UBE2QL1: variants seen among roughly 807,000 people sequenced by gnomAD.
UBE2QL1 encodes ubiquitin-conjugating enzyme E2Q-like protein 1.
UBE2QL1 carries 5 observed loss-of-function variants against 12.6 expected under a neutral mutation model. That is an observed-to-expected ratio of 0.40 (90% CI 0.21 to 0.83). The LOEUF (loss-of-function observed/expected upper bound fraction) is 0.83, where lower values mean the gene tolerates loss of function less well. UBE2QL1 is among the 40% of genes least tolerant of loss of function. The pLI, the probability that UBE2QL1 is intolerant of heterozygous loss-of-function variation, is 0.37. For synonymous variants in UBE2QL1, 96 were observed against 94.5 expected, an observed-to-expected ratio of 1.02 and a Z score of -0.10; for missense variants, 99 against 222.6, an observed-to-expected ratio of 0.44 and a Z score of 3.53.
rs1273963671 is a variant in UBE2QL1, at chr5:6,495,569, C to G, written c.*4220C>G. ...TATTAGGCAATTCATGTGGCCCTCA[C>G]CAAACACACACTCTTCACCCCATCA... is the stretch of plus-strand genomic sequence containing the variant. On this transcript the variant is annotated 3_prime_UTR_variant, in exon 2 of 2. Coordinates refer to ENST00000399816, the MANE Select transcript of UBE2QL1 (RefSeq NM_001145161.3). Among the ~76,000 whole-genome samples, 2 of 152,142 alleles carry G rather than the reference C, an allele frequency of 1.3e-5. No homozygotes were observed. The highest frequency in any genetic ancestry group is 2.9e-5 in the Non-Finnish European group (2 of 68,024).
At chr5:6,465,130 G>C (rs1031255910) in intron 1 of UBE2QL1, among the ~76,000 whole-genome samples, 2 of 151,988 alleles carry the variant, frequency 1.3e-5, no homozygotes, top group African/African-American at 2.4e-5. Flanking sequence ...GGGACCACAG[G>C]TGTGCGCCAC....
At position 6,494,839 on chromosome 5, in the gene UBE2QL1, C is replaced by T. The variant is rs1455716191; in HGVS notation, c.*3490C>T. 1 of 152,228 alleles carries T rather than the reference C, an allele frequency of 6.6e-6. No homozygotes were observed. The highest frequency in any genetic ancestry group is 1.5e-5 in the Non-Finnish European group (1 of 68,056). 9.4% of individuals were successfully genotyped at this position (152,228 alleles called of 1,614,324 possible). Reference sequence around the variant, plus strand: ...AACTAACTGGCCATCTCTCCACTCACTCAGCATTCTCCTCTTAAATGCAGG... The same window carrying T: ...AACTAACTGGCCATCTCTCCACTCATTCAGCATTCTCCTCTTAAATGCAGG... On this transcript the variant is annotated 3_prime_UTR_variant, in exon 2 of 2. Transcript: ENST00000399816.
chr5:6,477,389 G>C (rs1319695143), intron 1 of UBE2QL1, among the ~76,000 whole-genome samples: 2 of 151,358 alleles, frequency 1.3e-5, no homozygotes, highest in African/African-American at 4.9e-5. Context: ...GCTGAGGACA[G>C]GTGTGCCCGG....
intron 1 of UBE2QL1, among the ~76,000 whole-genome samples, chr5:6,485,275 T>C (rs1196056650): frequency 6.6e-6 from 1 of 152,232 alleles, no homozygotes; most frequent in African/African-American, 2.4e-5. Context: ...TGCTTGTCAG[T>C]GGCTTCAGTG....
rs1734564342 is a variant in UBE2QL1, at chr5:6,491,303, C to T, written c.440C>T (p.Thr147Met). 6.4e-7 allele frequency: 1 copy of T among 1,551,230 alleles called. No homozygotes were observed. Among genetic ancestry groups the T allele is most frequent in the Admixed American group, 2.0e-5 (1 of 50,856 alleles). The change falls in exon 2 of 2, where the codon ACG (threonine) becomes ATG (methionine). Residue 147 changes from threonine (T) to methionine (M), a missense_variant. Coordinates refer to ENST00000399816, the MANE Select transcript of UBE2QL1 (RefSeq NM_001145161.3). ...GCTACCTTTAAGAGTTTGGTGAAGACGCATGAAAAATATGGTTGGGTCACC... is the reference window on the plus strand; with the variant it reads ...GCTACCTTTAAGAGTTTGGTGAAGATGCATGAAAAATATGGTTGGGTCACC... ...AEATFKSLVK[T>M]HEKYGWVTPP...
chr5:6,463,785 G>A lies in UBE2QL1; in HGVS notation c.354+14538G>A, dbSNP rs562713039. On this transcript the variant is annotated intron_variant, in intron 1 of 1. Transcript: ENST00000399816. Reference sequence around the variant, plus strand: ...TGGGACTACAGGCGCCCGCCACCATGCCTGGCTAATTTTTTGTATTTTTAG... The same window carrying A: ...TGGGACTACAGGCGCCCGCCACCATACCTGGCTAATTTTTTGTATTTTTAG... Among the ~76,000 whole-genome samples the A allele has an allele frequency of 3.3e-5, 5 of 149,956 alleles. No individual in the cohort carries two copies. In the East Asian group the frequency reaches 8.0e-4, roughly 24 times the overall value.
intron 1 of UBE2QL1, among the ~76,000 whole-genome samples, chr5:6,460,684 A>C (rs746902955): frequency 6.6e-6 from 1 of 152,256 alleles, no homozygotes; most frequent in Non-Finnish European, 1.5e-5. Flanking sequence ...CTTTGGTATC[A>C]TAAGAATTCC....
rs1734645939 is a variant in UBE2QL1, at chr5:6,495,194, G to T, written c.*3845G>T. Among the ~76,000 whole-genome samples the T allele has an allele frequency of 6.6e-6, 1 of 152,186 alleles. No individual in the cohort carries two copies. Among genetic ancestry groups the T allele is most frequent in the African/African-American group, 2.4e-5 (1 of 41,442 alleles). On this transcript the variant is annotated 3_prime_UTR_variant, in exon 2 of 2. Coordinates refer to ENST00000399816, the MANE Select transcript of UBE2QL1 (RefSeq NM_001145161.3). ...GGAGTCCCCTTGCCACCTCTCACCT[G>T]CAGAGTCCCTATTCATGGAGCTGAT...
At chr5:6,449,309 G>T (rs1739364378) in intron 1 of UBE2QL1, 62 bp downstream of exon 1, 4 of 1,296,038 alleles carry the variant, frequency 3.1e-6, no homozygotes, top group Non-Finnish European at 3.9e-6. Context: ...GCGCCGCCGG[G>T]CGCCCGGGCC....
intron 1 of UBE2QL1, among the ~76,000 whole-genome samples, chr5:6,458,821 C>A (rs1739588596): frequency 6.6e-6 from 1 of 152,194 alleles, no homozygotes; most frequent in African/African-American, 2.4e-5. Flanking sequence ...GTATTAGAAG[C>A]CTTTAAAATG....
At position 6,491,495 on chromosome 5, in the gene UBE2QL1, T is replaced by G. The variant is rs577843140; in HGVS notation, c.*146T>G. ...GCCCAGGAGACGTTTAAGTTATTTA[T>G]GAAAAGATGTGTGTACAGAGAGGAA... On this transcript the variant is annotated 3_prime_UTR_variant, in exon 2 of 2. Coordinates refer to ENST00000399816, the MANE Select transcript of UBE2QL1 (RefSeq NM_001145161.3). 1.3e-5 allele frequency: 14 copies of G among 1,115,882 alleles called. 2 individuals are homozygous for G. In the African/African-American group the frequency reaches 1.9e-4, roughly 15 times the overall value. The allele number at this position is 1,115,882 out of a possible 1,614,324, so 69.1% of individuals were successfully genotyped here.
chr5:6,456,352 C>G (rs913354632), intron 1 of UBE2QL1, among the ~76,000 whole-genome samples: 2 of 152,122 alleles, frequency 1.3e-5, no homozygotes, highest in Non-Finnish European at 2.9e-5. Flanking sequence ...AAGTGATGTT[C>G]TTAGAGGAAA....
chr5:6,448,886 G>A lies in UBE2QL1; in HGVS notation c.-8G>A. On this transcript the variant is annotated 5_prime_UTR_variant, in exon 1 of 2. Transcript: ENST00000399816. Reference sequence around the variant, plus strand: ...CAACACTGCACGCAGGTGCGCAGCCGGCGGCTCATGAAGGAGCTGCAGGAC... The same window carrying A: ...CAACACTGCACGCAGGTGCGCAGCCAGCGGCTCATGAAGGAGCTGCAGGAC... 5 of 1,499,662 alleles carry A rather than the reference G, an allele frequency of 3.3e-6. No homozygotes were observed. The highest frequency in any genetic ancestry group is 1.3e-5 in the South Asian group (1 of 78,260). 92.9% of individuals were successfully genotyped at this position (1,499,662 alleles called of 1,614,324 possible).
intron 1 of UBE2QL1, among the ~76,000 whole-genome samples, chr5:6,465,064 G>A (rs2126341300): frequency 6.7e-6 from 1 of 148,686 alleles, no homozygotes; most frequent in Admixed American, 6.8e-5. Flanking sequence ...TCGGCTCATT[G>A]CAACCTCTGC....
chr5:6,476,795 A>G lies in UBE2QL1; in HGVS notation c.355-14423A>G, dbSNP rs1210068108. On this transcript the variant is annotated intron_variant, in intron 1 of 1. Transcript: ENST00000399816. The surrounding 1 kb of genome is among the most constrained non-coding windows in gnomAD (Gnocchi z 4.9). ...GAAAATGTAGTTGAGATTTGTAAAA[A>G]CAAACGGCGTTGTCTTCACTGGACA... 6.6e-6 allele frequency among the ~76,000 whole-genome samples: 1 copy of G among 152,200 alleles called. No homozygotes were observed. The highest frequency in any genetic ancestry group is 1.5e-5 in the Non-Finnish European group (1 of 68,042).
chr5:6,471,709 A>G (rs1739916541), intron 1 of UBE2QL1, among the ~76,000 whole-genome samples: 1 of 152,222 alleles, frequency 6.6e-6, no homozygotes, highest in Non-Finnish European at 1.5e-5. Context: ...ACAGGGAGTG[A>G]ACGCCAGGAA....
intron 1 of UBE2QL1, among the ~76,000 whole-genome samples, chr5:6,462,816 A>C (rs1413895354): frequency 6.6e-6 from 1 of 152,190 alleles, no homozygotes; most frequent in African/African-American, 2.4e-5. Flanking sequence ...GGGAAATATA[A>C]GATTTCTGCT....
chr5:6,459,883 A>G (rs1739613455), intron 1 of UBE2QL1, among the ~76,000 whole-genome samples: 2 of 152,210 alleles, frequency 1.3e-5, no homozygotes, highest in Admixed American at 1.3e-4. Context: ...TTGCAGTTCA[A>G]AGTTAGTGAA....
At chr5:6,462,296 T>C (rs545085929) in intron 1 of UBE2QL1, among the ~76,000 whole-genome samples, 11 of 152,280 alleles carry the variant, frequency 7.2e-5, no homozygotes, top group African/African-American at 2.6e-4. Context: ...TGCCGGCAGC[T>C]GCAGGGCCAC....
Sources: gnomAD v4.1 joint callset for allele counts (sites outside exome capture counted in the v4.1 genomes callset) on GRCh38, gnomAD v4.1.1 for gene constraint, Gnocchi (gnomAD v3.1) non-coding constraint, MANE v1.5 for transcripts, NCBI Gene and HGNC (gene_info 2026-07-23, HGNC 2026-07-21) for gene names.